The following SLC35F4 variants were observed in gnomAD, a reference collection of about 807,000 sequenced individuals.
SLC35F4 encodes the protein chromosome 14 open reading frame 36.
SLC35F4 carries 24 observed loss-of-function variants against 44.2 expected under a neutral mutation model. The ratio of observed to expected loss-of-function variants is 0.54; its 90% CI spans 0.39 to 0.76. The LOEUF (loss-of-function observed/expected upper bound fraction) is 0.76. Among genes scored for constraint, SLC35F4 ranks in the 30% least tolerant of loss-of-function variants. The pLI, the probability that SLC35F4 is intolerant of heterozygous loss-of-function variation, is 0.00. For missense variants in SLC35F4, 562 were observed against 586.1 expected (o/e 0.96, Z 0.42); for synonymous variants, 238 against 223.6 (o/e 1.06, Z -0.57).
intron 1 of SLC35F4, among the ~76,000 whole-genome samples, chr14:57,751,289 A>G (rs1420290986): frequency 1.3e-5 from 2 of 152,192 alleles, no homozygotes; most frequent in Non-Finnish European, 1.5e-5. Context: ...AACATTGTTA[A>G]TATCTCCATG....
intron 1 of SLC35F4, among the ~76,000 whole-genome samples, chr14:57,768,749 G>GTT (rs148818868): frequency 4.8e-5 from 7 of 147,306 alleles, no homozygotes; most frequent in Admixed American, 1.4e-4. Context: ...TGGGTTCTTG[G>GTT]TTTTTTTTTT....
intron 1 of SLC35F4, among the ~76,000 whole-genome samples, chr14:57,699,260 G>A (rs2075468057): frequency 6.6e-6 from 1 of 152,150 alleles, no homozygotes; most frequent in Non-Finnish European, 1.5e-5. Flanking sequence ...AAAAAATAGA[G>A]GATTTGGGGA....
chr14:57,930,211 T>A (rs1889669802), intron 1 of SLC35F4, among the ~76,000 whole-genome samples: 1 of 152,230 alleles, frequency 6.6e-6, no homozygotes, highest in African/African-American at 2.4e-5. Context: ...CTTCCTTGCC[T>A]TCTTGTTCAC....
chr14:57,603,833 C>T (rs1237033659), intron 1 of SLC35F4, among the ~76,000 whole-genome samples: 1 of 152,226 alleles, frequency 6.6e-6, no homozygotes, highest in Non-Finnish European at 1.5e-5. Flanking sequence ...ACCAACTTTA[C>T]AGGACCTTTC....
At chr14:57,719,978 G>A (rs547828823) in intron 1 of SLC35F4, among the ~76,000 whole-genome samples, 6 of 152,068 alleles carry the variant, frequency 3.9e-5, no homozygotes, top group Non-Finnish European at 7.4e-5. Flanking sequence ...GTTGTGGTAT[G>A]TTCCTTCTAT....
At chr14:57,772,500 T>C (rs545239676) in intron 1 of SLC35F4, among the ~76,000 whole-genome samples, 1 of 152,314 alleles carries the variant, frequency 6.6e-6, no homozygotes, top group East Asian at 1.9e-4. Context: ...ACCTAATAGG[T>C]AATTTTTCAA....
chr14:57,905,775 A>G (rs1358346951), intron 1 of SLC35F4, among the ~76,000 whole-genome samples: 2 of 152,208 alleles, frequency 1.3e-5, no homozygotes, highest in Non-Finnish European at 2.9e-5. Flanking sequence ...GAATCTTTAG[A>G]GAGAAAAGGA....
rs79910267 is a variant in SLC35F4, at chr14:57,651,439, C to T, written c.104-57315G>A. On this transcript the variant is annotated intron_variant, in intron 1 of 7. Transcript: ENST00000556826. Reference sequence around the variant, plus strand: ...CATGAAGCCCAGCCAGTGCCCCCAGCTCTAGTGATGTCTGATGTCATCCCC... The same window carrying T: ...CATGAAGCCCAGCCAGTGCCCCCAGTTCTAGTGATGTCTGATGTCATCCCC... 5.5e-3 allele frequency among the ~76,000 whole-genome samples: 836 copies of T among 152,240 alleles called. 5 individuals are homozygous for T. Among genetic ancestry groups the T allele is most frequent in the African/African-American group, 0.019 (788 of 41,560 alleles).
At chr14:57,825,992 T>C (rs552844880) in intron 1 of SLC35F4, among the ~76,000 whole-genome samples, 79 of 152,272 alleles carry the variant, frequency 5.2e-4, no homozygotes, top group African/African-American at 1.9e-3. Flanking sequence ...TTGACATTCT[T>C]CACAGAATTA....
rs199785589 is a variant in SLC35F4 at position 57,578,325 on chromosome 14, G to GTT, written c.807+2887_807+2888dup. Among the ~76,000 whole-genome samples, 13 of 43,166 alleles carry GTT rather than the reference G, an allele frequency of 3.0e-4. 4 individuals carry two copies. Among genetic ancestry groups the GTT allele is most frequent in the Admixed American group, 1.4e-3 (4 of 2,940 alleles). 28.3% of individuals were successfully genotyped at this position (43,166 alleles called of 152,430 possible). ...GATGACTGAAAGCATCCCTTTAACT[G>GTT]TTTTTTTTTTTTTTTTTTTTTTTTT... On this transcript the variant is annotated intron_variant, in intron 4 of 7. Coordinates refer to ENST00000556826, the MANE Select transcript of SLC35F4 (RefSeq NM_001306087.2).
intron 1 of SLC35F4, among the ~76,000 whole-genome samples, chr14:57,737,526 A>G (rs1319466118): frequency 6.6e-6 from 1 of 152,202 alleles, no homozygotes; most frequent in African/African-American, 2.4e-5. Context: ...AGTTAATAGC[A>G]AGGCTGCAGC....
At position 57,666,434 on chromosome 14, in the gene SLC35F4, A is replaced by G. The variant is rs1594749746; in HGVS notation, c.104-72310T>C. Among the ~76,000 whole-genome samples, 3 of 152,304 alleles carry G rather than the reference A, an allele frequency of 2.0e-5. No individual in the cohort carries two copies. The South Asian group carries it at 6.2e-4, about 32-fold the overall frequency. ...AGCCAGGGCTTTCAGTCCTATAGCC[A>G]CAAGGAAATGAGTCCTGCCAACAAC... On this transcript the variant is annotated intron_variant, in intron 1 of 7. Transcript: ENST00000556826.
chr14:57,630,107 T>C (rs2072692417), intron 1 of SLC35F4: 4 of 546,440 alleles, frequency 7.3e-6, no homozygotes, highest in Non-Finnish European at 1.5e-5. Context: ...GATGCTTACA[T>C]AATTTGGACA....
intron 1 of SLC35F4, among the ~76,000 whole-genome samples, chr14:57,672,572 C>T (rs569309097): frequency 6.6e-6 from 1 of 152,146 alleles, no homozygotes; most frequent in South Asian, 2.1e-4. Flanking sequence ...AATACTACCG[C>T]TATATGATTA....
intron 1 of SLC35F4, among the ~76,000 whole-genome samples, chr14:57,735,640 C>T (rs1446094445): frequency 6.6e-6 from 1 of 152,138 alleles, no homozygotes; most frequent in Non-Finnish European, 1.5e-5. Flanking sequence ...TCCTCAAGGC[C>T]TCACCCTGGA....
At chr14:57,966,835 C>G (rs981308131) in intron 1 of SLC35F4, among the ~76,000 whole-genome samples, 36 of 152,176 alleles carry the variant, frequency 2.4e-4, no homozygotes, top group African/African-American at 8.4e-4. Flanking sequence ...CATGGCGAAA[C>G]CCCGTCTCTA....
chr14:57,911,340 C>T lies in SLC35F4; in HGVS notation n.282+70573G>A, dbSNP rs935815819. ...TATGATATTGAAAAGCAGTGGTAAG[C>T]GGGGACATCTTCACCTTGTTCCTCA... On this transcript the variant is annotated intron_variant and non_coding_transcript_variant, in intron 1 of 1. Coordinates refer to the SLC35F4 transcript ENST00000556568. Among the ~76,000 whole-genome samples the T allele has an allele frequency of 9.9e-5, 15 of 151,850 alleles. 1 individual carries two copies. Among genetic ancestry groups the T allele is most frequent in the Admixed American group, 2.0e-4 (3 of 15,224 alleles).
intron 1 of SLC35F4, among the ~76,000 whole-genome samples, chr14:57,864,630 T>C (rs1218846163): frequency 6.6e-6 from 1 of 152,228 alleles, no homozygotes; most frequent in Non-Finnish European, 1.5e-5. Flanking sequence ...TCACAGAAAC[T>C]GTAATGTTGA....
Position 57,580,146 on chromosome 14 carries a change from T to C in SLC35F4, c.807+1068A>G, listed in dbSNP as rs375830788. Among the ~76,000 whole-genome samples the C allele has an allele frequency of 1.7e-3, 258 of 152,318 alleles. 2 individuals carry two copies. The highest frequency in any genetic ancestry group is 5.9e-3 in the African/African-American group (244 of 41,566). Reference sequence around the variant, plus strand: ...TATCAAAACTTTCTACTTATTAATATGAAGCTTCATTTCTAAATTTCAGAG... The same window carrying C: ...TATCAAAACTTTCTACTTATTAATACGAAGCTTCATTTCTAAATTTCAGAG... On this transcript the variant is annotated intron_variant, in intron 4 of 7. Transcript: ENST00000556826.
Sources: gnomAD v4.1 joint callset for allele counts (sites outside exome capture counted in the v4.1 genomes callset) on GRCh38, gnomAD v4.1.1 for gene constraint, MANE v1.5 for transcripts, NCBI Gene and HGNC (gene_info 2026-07-23, HGNC 2026-07-21) for gene names.